The following XRCC4 variants were observed in gnomAD, a reference collection of about 807,000 sequenced individuals.
XRCC4 encodes the protein DNA repair protein XRCC4.
XRCC4 carries 28 observed loss-of-function variants against 39.1 expected under a neutral mutation model. The ratio of observed to expected loss-of-function variants is 0.72; its 90% CI spans 0.53 to 0.98. XRCC4 has a LOEUF of 0.98. Ranked by LOEUF, XRCC4 falls within the 50% of genes least tolerant of loss-of-function variation. The pLI is 0.00. For missense variants in XRCC4, 350 were observed against 376.4 expected (o/e 0.93, Z 0.58); for synonymous variants, 123 against 126.4 (o/e 0.97, Z 0.18).
chr5:83,305,586 T>C (rs1384241888), intron 7 of XRCC4, among the ~76,000 whole-genome samples: 1 of 152,140 alleles, frequency 6.6e-6, no homozygotes, highest in Non-Finnish European at 1.5e-5. Context: ...TGCACTACAC[T>C]ATGGCCCATG....
chr5:83,154,983 T>A (rs1163229856), intron 3 of XRCC4, among the ~76,000 whole-genome samples: 2 of 152,182 alleles, frequency 1.3e-5, no homozygotes, highest in Non-Finnish European at 2.9e-5. Context: ...ATTTTTCTAT[T>A]CAGTGTTCTT....
At chr5:83,302,665 T>C (rs557935590) in intron 7 of XRCC4, among the ~76,000 whole-genome samples, 20 of 152,336 alleles carry the variant, frequency 1.3e-4, no homozygotes, top group African/African-American at 4.6e-4. Flanking sequence ...CTCAATTTTA[T>C]GTTTAATAGA....
At chr5:83,266,924 T>C (rs1753976035) in intron 7 of XRCC4, among the ~76,000 whole-genome samples, 1 of 152,178 alleles carries the variant, frequency 6.6e-6, no homozygotes. Context: ...TCTTTGTCTT[T>C]GTGTATGAAT....
chr5:83,280,070 T>G, intron 7 of XRCC4: 1 of 199,294 alleles, frequency 5.0e-6, no homozygotes, highest in South Asian at 8.4e-5. Flanking sequence ...AGATTGCAAT[T>G]CAAAAGAAAT....
chr5:83,208,684 C>CA (rs746247778), intron 6 of XRCC4, among the ~76,000 whole-genome samples: 2 of 151,860 alleles, frequency 1.3e-5, no homozygotes, highest in Non-Finnish European at 2.9e-5. Context: ...TGAAAAACCT[C>CA]AAAAAATACT....
At chr5:83,304,253 C>T (rs192600605) in intron 7 of XRCC4, among the ~76,000 whole-genome samples, 23 of 147,534 alleles carry the variant, frequency 1.6e-4, no homozygotes, top group Admixed American at 8.2e-4. Context: ...AATCTTGGCT[C>T]ACTGCAACCT....
At chr5:83,218,735 G>C (rs1751969217) in intron 6 of XRCC4, among the ~76,000 whole-genome samples, 1 of 152,046 alleles carries the variant, frequency 6.6e-6, no homozygotes, top group African/African-American at 2.4e-5. Flanking sequence ...GTTAATAGAT[G>C]ACAGAAACAA....
In XRCC4 at chr5:83,200,754, A is replaced by G. The variant is rs1751154282; in HGVS notation, c.483-2798A>G. ...TATATTTGTTTATATGTTTTCACAT[A>G]TTGGTTTTTACTTTGCATATGTTTG... is the stretch of plus-strand genomic sequence containing the variant. On this transcript the variant is annotated intron_variant, in intron 4 of 7. Transcript: ENST00000396027. 2.6e-5 allele frequency among the ~76,000 whole-genome samples: 4 copies of G among 152,164 alleles called. No individual in the cohort carries two copies. In the South Asian group the frequency reaches 8.3e-4, roughly 32 times the overall value.
At chr5:83,154,289 G>T (rs964708694) in intron 3 of XRCC4, among the ~76,000 whole-genome samples, 2 of 152,148 alleles carry the variant, frequency 1.3e-5, no homozygotes, top group Non-Finnish European at 2.9e-5. Context: ...GGAAAAAAAA[G>T]GTTGTATTGC....
intron 3 of XRCC4, among the ~76,000 whole-genome samples, chr5:83,135,050 C>T (rs1747822477): frequency 6.6e-6 from 1 of 152,198 alleles, no homozygotes; most frequent in African/African-American, 2.4e-5. Context: ...GGGTCCGCAG[C>T]TTCATTCTTG....
At chr5:83,303,963 G>A (rs949972653) in intron 7 of XRCC4, among the ~76,000 whole-genome samples, 1 of 133,628 alleles carries the variant, frequency 7.5e-6, no homozygotes, top group Admixed American at 8.4e-5. Context: ...GCCTAATTAG[G>A]GTGAGGTGAG....
chr5:83,234,143 C>T (rs910012190), intron 6 of XRCC4, among the ~76,000 whole-genome samples: 13 of 152,066 alleles, frequency 8.5e-5, no homozygotes, highest in African/African-American at 2.7e-4. Context: ...AGTTTTCCAG[C>T]ACATTTAAGG....
At chr5:83,300,343 T>G (rs1755235492) in intron 7 of XRCC4, among the ~76,000 whole-genome samples, 1 of 152,152 alleles carries the variant, frequency 6.6e-6, no homozygotes, top group South Asian at 2.1e-4. Flanking sequence ...TCTTTCTCTC[T>G]CTCTTTCTCC....
At chr5:83,266,408 T>C (rs1355557224) in intron 7 of XRCC4, among the ~76,000 whole-genome samples, 1 of 151,424 alleles carries the variant, frequency 6.6e-6, no homozygotes, top group Non-Finnish European at 1.5e-5. Flanking sequence ...AAATATAGAC[T>C]GTTTCATGTT....
intron 4 of XRCC4, among the ~76,000 whole-genome samples, chr5:83,196,623 G>C (rs1274002999): frequency 6.6e-6 from 1 of 151,632 alleles, no homozygotes; most frequent in African/African-American, 2.4e-5. Context: ...TGCATGTTGT[G>C]AACACTTGTA....
At chr5:83,122,435 G>A (rs571779146) in intron 3 of XRCC4, among the ~76,000 whole-genome samples, 6 of 152,114 alleles carry the variant, frequency 3.9e-5, no homozygotes, top group Non-Finnish European at 4.4e-5. Context: ...GAAGAAGGCA[G>A]GGATGTTGCT....
At chr5:83,358,604 T>G (rs575064086), downstream of XRCC4, among the ~76,000 whole-genome samples, 32 of 152,238 alleles carry the variant, frequency 2.1e-4, no homozygotes, top group African/African-American at 7.7e-4. Flanking sequence ...ATACTGAATT[T>G]TCTTTTAAGG....
chr5:83,307,607 G>T (rs1465889258), intron 7 of XRCC4, among the ~76,000 whole-genome samples: 1 of 152,210 alleles, frequency 6.6e-6, no homozygotes, highest in African/African-American at 2.4e-5. Flanking sequence ...CATCCAAGTG[G>T]TAAGAATCTT....
At chr5:83,079,825 C>A (rs1487259394) in intron 1 of XRCC4, among the ~76,000 whole-genome samples, 1 of 152,152 alleles carries the variant, frequency 6.6e-6, no homozygotes, top group Non-Finnish European at 1.5e-5. Flanking sequence ...TAGGCCACCG[C>A]ACCACGTCTG....
Sources: gnomAD v4.1 joint callset for allele counts (sites outside exome capture counted in the v4.1 genomes callset) on GRCh38, gnomAD v4.1.1 for gene constraint, MANE v1.5 for transcripts, NCBI Gene and HGNC (gene_info 2026-07-23, HGNC 2026-07-21) for gene names.